Variants in CHN1 observed in about 807,000 individuals in gnomAD.
CHN1 encodes the protein chimerin 1, also known as N-chimaerin.
Under a neutral mutation model 59.5 loss-of-function variants are expected in CHN1, and 37 were observed. The ratio of observed to expected loss-of-function variants is 0.62; its 90% CI spans 0.48 to 0.82. The LOEUF (loss-of-function observed/expected upper bound fraction) is 0.82, where lower values mean the gene tolerates loss of function less well. CHN1 is among the 40% of genes least tolerant of loss of function. CHN1 has a pLI of 0.00. For synonymous variants in CHN1, 206 were observed against 200.4 expected, an observed-to-expected ratio of 1.03 and a Z score of -0.24; for missense variants, 469 against 571.0, an observed-to-expected ratio of 0.82 and a Z score of 1.82.
At chr2:174,902,098 G>T (rs572022017) in intron 5 of CHN1, among the ~76,000 whole-genome samples, 1 of 152,132 alleles carries the variant, frequency 6.6e-6, no homozygotes, top group South Asian at 2.1e-4. Context: ...GTAGAATTGG[G>T]GTGCTTTTTG....
At chr2:175,004,767 C>A in intron 1 of CHN1, 127 bp downstream of exon 1, 1 of 330,802 alleles carries the variant, frequency 3.0e-6, no homozygotes, top group South Asian at 1.2e-4. Flanking sequence ...CCCAACTCTG[C>A]GGCCCCGGCC....
At chr2:174,996,639 T>C (rs1021097493) in intron 1 of CHN1, among the ~76,000 whole-genome samples, 9 of 152,126 alleles carry the variant, frequency 5.9e-5, no homozygotes, top group African/African-American at 2.2e-4. Flanking sequence ...CTACACTACA[T>C]GCTACGAAAG....
chr2:174,886,970 C>G (rs1428460055), intron 5 of CHN1, among the ~76,000 whole-genome samples: 1 of 152,124 alleles, frequency 6.6e-6, no homozygotes, highest in South Asian at 2.1e-4. Context: ...CAATGGCTTC[C>G]TCATGCCCTT....
At chr2:174,864,701 T>C (rs996873415) in intron 6 of CHN1, among the ~76,000 whole-genome samples, 13 of 151,948 alleles carry the variant, frequency 8.6e-5, no homozygotes. Context: ...CAAAACCCCA[T>C]CGCTACAAAA....
chr2:174,960,597 C>A (rs1286259859), intron 1 of CHN1, among the ~76,000 whole-genome samples: 1 of 152,140 alleles, frequency 6.6e-6, no homozygotes, highest in Non-Finnish European at 1.5e-5. Flanking sequence ...AATCCCAGCA[C>A]TCTGGGAGGC....
At chr2:174,940,897 GGAGTCAATCAT>G (rs1389998600) in intron 3 of CHN1, among the ~76,000 whole-genome samples, 1 of 152,108 alleles carries the variant, frequency 6.6e-6, no homozygotes, top group Non-Finnish European at 1.5e-5. Context: ...ATCCTTGCCT[GGAGTCAATCAT>G]TAGTGCAAAT....
chr2:174,903,659 G>A (rs931481742), intron 5 of CHN1, among the ~76,000 whole-genome samples: 2 of 151,772 alleles, frequency 1.3e-5, no homozygotes, highest in East Asian at 1.9e-4. Flanking sequence ...ATGCAAATAC[G>A]CTTATTTTTA....
chr2:174,917,364 G>A (rs937882570), intron 4 of CHN1, among the ~76,000 whole-genome samples: 1 of 151,896 alleles, frequency 6.6e-6, no homozygotes, highest in Admixed American at 6.6e-5. Context: ...AACCCGGGAG[G>A]TGGAGGTTAT....
intron 5 of CHN1, among the ~76,000 whole-genome samples, chr2:174,883,962 C>A (rs1282031141): frequency 6.9e-6 from 1 of 144,514 alleles, no homozygotes; most frequent in Non-Finnish European, 1.5e-5. Flanking sequence ...GAAAGTCTAA[C>A]TTCTTTTTTT....
At chr2:174,816,385 C>G (rs1685262912) in intron 8 of CHN1, among the ~76,000 whole-genome samples, 2 of 152,234 alleles carry the variant, frequency 1.3e-5, no homozygotes, top group African/African-American at 4.8e-5. Context: ...TGTACCTAGA[C>G]TCTGCTGCTG....
At chr2:174,979,806 G>A (rs181370817) in intron 1 of CHN1, among the ~76,000 whole-genome samples, 119 of 152,124 alleles carry the variant, frequency 7.8e-4, no homozygotes, top group African/African-American at 2.0e-3. Flanking sequence ...GCTTGAACCC[G>A]GGAGGTAGAG....
chr2:174,977,859 G>A (rs1384809669), intron 1 of CHN1, among the ~76,000 whole-genome samples: 1 of 152,044 alleles, frequency 6.6e-6, no homozygotes, highest in Non-Finnish European at 1.5e-5. Flanking sequence ...CACTAAAGTT[G>A]ATATATAACC....
intron 5 of CHN1, among the ~76,000 whole-genome samples, chr2:174,914,362 T>A (rs1227621138): frequency 6.6e-6 from 1 of 152,148 alleles, no homozygotes. Flanking sequence ...AGCCAAGAGC[T>A]CCCAAGAAAA....
At chr2:174,918,035 G>C (rs1321215832) in intron 4 of CHN1, among the ~76,000 whole-genome samples, 1 of 151,920 alleles carries the variant, frequency 6.6e-6, no homozygotes, top group African/African-American at 2.4e-5. Flanking sequence ...AATCCATTAG[G>C]AAAACATTTC....
At chr2:174,878,815 T>C (rs1009010068) in intron 5 of CHN1, among the ~76,000 whole-genome samples, 4 of 152,262 alleles carry the variant, frequency 2.6e-5, no homozygotes, top group Admixed American at 6.5e-5. Flanking sequence ...TATTGGACTA[T>C]AGAAATTCTG....
At chr2:174,966,871 A>G (rs1002471809) in intron 1 of CHN1, among the ~76,000 whole-genome samples, 10 of 152,200 alleles carry the variant, frequency 6.6e-5, no homozygotes, top group Admixed American at 6.5e-4. Flanking sequence ...AATTCCTGTC[A>G]GTCCTCTCAA....
intron 3 of CHN1, among the ~76,000 whole-genome samples, chr2:174,921,181 G>T (rs900737119): frequency 6.6e-6 from 1 of 152,198 alleles, no homozygotes; most frequent in South Asian, 2.1e-4. Context: ...ACTGGTCCAT[G>T]GCCTGGGGAT....
intron 5 of CHN1, among the ~76,000 whole-genome samples, chr2:174,906,474 T>C (rs1688547388): frequency 6.6e-6 from 1 of 152,108 alleles, no homozygotes; most frequent in African/African-American, 2.4e-5. Flanking sequence ...TGAGGGCAAA[T>C]AGATGTAGAG....
At chr2:174,972,159 C>T (rs2105439144) in intron 1 of CHN1, among the ~76,000 whole-genome samples, 1 of 152,300 alleles carries the variant, frequency 6.6e-6, no homozygotes, top group East Asian at 1.9e-4. Context: ...CTCCTTGCTG[C>T]TACTGGTTTC....
Sources: allele counts gnomAD v4.1 joint callset (sites outside exome capture counted in the v4.1 genomes callset), GRCh38; gene constraint gnomAD v4.1.1; transcripts MANE v1.5; gene names NCBI Gene and HGNC (gene_info 2026-07-23, HGNC 2026-07-21).